The following RNF115 variants were observed in gnomAD, a reference collection of about 807,000 sequenced individuals.
RNF115 encodes the protein E3 ubiquitin-protein ligase RNF115.
RNF115 carries 31 observed loss-of-function variants against 39.2 expected under a neutral mutation model. The observed-to-expected ratio is 0.79, with a 90% CI of 0.59 to 1.07. RNF115 has a LOEUF of 1.07. Among genes scored for constraint, RNF115 ranks in the 50% least tolerant of loss-of-function variants. The probability of loss-of-function intolerance (pLI) is 0.00; values close to 1 mark genes in which losing one functional copy is unlikely to be tolerated. For missense variants in RNF115, 384 were observed against 381.7 expected (o/e 1.01, Z -0.05); for synonymous variants, 124 against 131.0 (o/e 0.95, Z 0.37).
In RNF115 at chr1:145,822,259, T is replaced by C. The variant is rs1477005408; in HGVS notation, c.102+1513A>G. On this transcript the variant is annotated intron_variant, in intron 1 of 8. Coordinates refer to ENST00000582693, the MANE Select transcript of RNF115 (RefSeq NM_014455.4). ...AGGAGACTCTCTTGAACCCGGCAGG[T>C]GGAGGTTGCAGTCAGCCGAAATCAT... is the stretch of plus-strand genomic sequence containing the variant. Among the ~76,000 whole-genome samples, 6 of 149,470 alleles carry C rather than the reference T, an allele frequency of 4.0e-5. No individual in the cohort carries two copies. In the East Asian group the frequency reaches 5.9e-4, roughly 15 times the overall value.
chr1:145,740,052 TC>T lies in RNF115; in HGVS notation c.*6813del, dbSNP rs782450879. The T allele has an allele frequency of 1.3e-5, 2 of 152,228 alleles. No individual in the cohort carries two copies. The highest frequency in any genetic ancestry group is 2.9e-5 in the Non-Finnish European group (2 of 68,036). The allele number at this position is 152,228 out of a possible 1,614,324, so 9.4% of individuals were successfully genotyped here. A position where few individuals can be genotyped will look rare whatever the true frequency, so the allele number is the denominator to read the frequency against. On this transcript the variant is annotated 3_prime_UTR_variant, in exon 9 of 9. Coordinates refer to ENST00000582693, the MANE Select transcript of RNF115 (RefSeq NM_014455.4). ...AGTCTCCAAAGCTTTCTCCACTACA[TC>T]ACATTCATCTTAATCTTTCTCTACC... is the stretch of plus-strand genomic sequence containing the variant.
At position 145,746,804 on chromosome 1, in the gene RNF115, A is replaced by T; in HGVS notation, c.*62T>A. ...ATCCATCTACTAATTTTTTGTTTTG[A>T]TACAATTTACAGCTATGGTAAGATG... On this transcript the variant is annotated 3_prime_UTR_variant, in exon 9 of 9. Coordinates refer to ENST00000582693, the MANE Select transcript of RNF115 (RefSeq NM_014455.4). 1.3e-6 allele frequency: 2 copies of T among 1,539,010 alleles called. No homozygotes were observed. The highest frequency in any genetic ancestry group is 2.0e-5 in the Admixed American group (1 of 49,518).
At position 145,746,169 on chromosome 1, in the gene RNF115, T is replaced by C. The variant is rs1408253766; in HGVS notation, c.*697A>G. On this transcript the variant is annotated 3_prime_UTR_variant, in exon 9 of 9. Transcript: ENST00000582693. The stretch of plus-strand genomic sequence containing the variant: ...TGAACTCAGGAGGCAGAGTTTGCAA[T>C]GAGCCAAGATCGTGCCACTGCACTT... The C allele has an allele frequency of 6.6e-6, 1 of 150,776 alleles. No homozygotes were observed. The highest frequency in any genetic ancestry group is 6.6e-5 in the Admixed American group (1 of 15,098). 9.3% of individuals were successfully genotyped at this position (150,776 alleles called of 1,614,324 possible).
intron 3 of RNF115, among the ~76,000 whole-genome samples, chr1:145,780,697 A>G (rs1027139546): frequency 1.3e-5 from 2 of 151,548 alleles, no homozygotes; most frequent in African/African-American, 4.9e-5. Context: ...AATGCTGCTT[A>G]TGTAACAAAA....
chr1:145,803,592 T>C (rs1553721199), intron 1 of RNF115, among the ~76,000 whole-genome samples: 1 of 152,204 alleles, frequency 6.6e-6, no homozygotes, highest in Non-Finnish European at 1.5e-5. Context: ...TTCACCACAT[T>C]GGCCAGGCTG....
chr1:145,761,485 T>C (rs1389768356), intron 4 of RNF115, among the ~76,000 whole-genome samples: 4 of 152,188 alleles, frequency 2.6e-5, no homozygotes, highest in Admixed American at 6.5e-5. Context: ...AACATAGAGC[T>C]TGGGTTGTGG....
At chr1:145,795,476 T>C (rs1444472185) in intron 1 of RNF115, among the ~76,000 whole-genome samples, 1 of 152,154 alleles carries the variant, frequency 6.6e-6, no homozygotes, top group Admixed American at 6.5e-5. Context: ...TACAGAGTGC[T>C]GATTGGTACA....
intron 3 of RNF115, among the ~76,000 whole-genome samples, chr1:145,775,454 G>A (rs1246610207): frequency 1.6e-4 from 24 of 145,630 alleles, no homozygotes; most frequent in African/African-American, 3.8e-4. Flanking sequence ...GGAGTGCAAC[G>A]CCGTGATCAT....
chr1:145,786,599 C>T (rs1648390380), intron 2 of RNF115, among the ~76,000 whole-genome samples: 1 of 152,192 alleles, frequency 6.6e-6, no homozygotes, highest in African/African-American at 2.4e-5. Context: ...ATTCATCCTA[C>T]AGTTAATCAT....
At chr1:145,812,793 A>AT (rs1253985960) in intron 1 of RNF115, among the ~76,000 whole-genome samples, 3 of 151,274 alleles carry the variant, frequency 2.0e-5, no homozygotes, top group East Asian at 1.9e-4. Flanking sequence ...TCTTTTTTTA[A>AT]TTTTTTTTTA....
rs1203160837 is a variant in RNF115, at chr1:145,796,980, A to C, written c.103-8014T>G. The stretch of plus-strand genomic sequence containing the variant: ...CCCAGTCTTAAAACTTGAAAAAGTT[A>C]CATTTGTCTTATCTGAGTTCCTTTC... On this transcript the variant is annotated intron_variant, in intron 1 of 8. Coordinates refer to ENST00000582693, the MANE Select transcript of RNF115 (RefSeq NM_014455.4). 4.6e-5 allele frequency among the ~76,000 whole-genome samples: 7 copies of C among 152,312 alleles called. No homozygotes were observed. In the South Asian group the frequency reaches 6.2e-4, roughly 14 times the overall value.
intron 1 of RNF115, among the ~76,000 whole-genome samples, chr1:145,797,788 T>C (rs1339909503): frequency 6.6e-6 from 1 of 152,218 alleles, no homozygotes; most frequent in Admixed American, 6.5e-5. Context: ...CAATTTCTCA[T>C]AATCTTCACT....
chr1:145,767,517 C>T, intron 4 of RNF115, among the ~76,000 whole-genome samples: 1 of 152,134 alleles, frequency 6.6e-6, no homozygotes, highest in Admixed American at 6.5e-5. Flanking sequence ...AGGCTCCTCA[C>T]ATCCCAGACG....
Position 145,745,921 on chromosome 1 carries a change from T to A in RNF115, c.*945A>T, listed in dbSNP as rs1657857240. ...TCTTGGGAAACTGCATCAACTGAAG[T>A]AGTCTTTAAAAATTAAAATAAGAGG... is the stretch of plus-strand genomic sequence containing the variant. On this transcript the variant is annotated 3_prime_UTR_variant, in exon 9 of 9. Transcript: ENST00000582693. 6.6e-6 allele frequency: 1 copy of A among 151,346 alleles called. No individual in the cohort carries two copies. The highest frequency in any genetic ancestry group is 6.6e-5 in the Admixed American group (1 of 15,142). 9.4% of individuals were successfully genotyped at this position (151,346 alleles called of 1,614,324 possible).
At chr1:145,784,689 C>A in intron 2 of RNF115, 93 bp from the exon 3 acceptor site, 2 of 1,075,740 alleles carry the variant, frequency 1.9e-6, no homozygotes, top group South Asian at 1.3e-5. Flanking sequence ...AGAACAAAGC[C>A]CAATAAGGAA....
intron 1 of RNF115, 110 bp from the exon 2 acceptor site, chr1:145,789,076 T>G (rs1378057531): frequency 2.9e-6 from 2 of 685,766 alleles, no homozygotes; most frequent in Non-Finnish European, 2.5e-6. Flanking sequence ...AAATGTTCTA[T>G]GTACTCGCTG....
chr1:145,774,083 C>T (rs989720731), intron 3 of RNF115, among the ~76,000 whole-genome samples: 1 of 152,146 alleles, frequency 6.6e-6, no homozygotes, highest in Non-Finnish European at 1.5e-5. Flanking sequence ...GATTACCTTT[C>T]CAGAGTTTTG....
intron 2 of RNF115, 76 bp downstream of exon 2, chr1:145,788,832 A>G: frequency 9.5e-7 from 1 of 1,056,724 alleles, no homozygotes; most frequent in South Asian, 1.3e-5. Flanking sequence ...AAACAAATTC[A>G]ACTTACTCAG....
intron 1 of RNF115, among the ~76,000 whole-genome samples, chr1:145,820,308 GA>G (rs797029890): frequency 2.0e-5 from 3 of 150,878 alleles, no homozygotes; most frequent in Non-Finnish European, 4.4e-5. Flanking sequence ...CTACAAAAAA[GA>G]AAAAAAAATT....
Sources: gnomAD v4.1 joint callset for allele counts (sites outside exome capture counted in the v4.1 genomes callset) on GRCh38, gnomAD v4.1.1 for gene constraint, MANE v1.5 for transcripts, NCBI Gene and HGNC (gene_info 2026-07-23, HGNC 2026-07-21) for gene names.